The following CCDC178 variants were observed in gnomAD, a reference collection of about 807,000 sequenced individuals.
CCDC178 encodes coiled-coil domain containing 178.
CCDC178 carries 126 observed loss-of-function variants against 117.4 expected under a neutral mutation model. The ratio of observed to expected loss-of-function variants is 1.07; its 90% CI spans 0.93 to 1.24. The LOEUF (loss-of-function observed/expected upper bound fraction) is 1.24, where lower values mean the gene tolerates loss of function less well. CCDC178 is among the 50% of genes most tolerant of loss of function. CCDC178 has a pLI of 0.00. For missense variants in CCDC178, 1,030 were observed against 986.9 expected, an observed-to-expected ratio of 1.04 and a Z score of -0.59; for synonymous variants, 283 against 313.4, an observed-to-expected ratio of 0.90 and a Z score of 1.02.
chr18:33,397,853 T>C (rs907471640), intron 3 of CCDC178, among the ~76,000 whole-genome samples: 1 of 152,134 alleles, frequency 6.6e-6, no homozygotes, highest in African/African-American at 2.4e-5. Flanking sequence ...AAGTATAACT[T>C]ATGTAGGAAC....
At chr18:33,109,045 A>T (rs963171422) in intron 20 of CCDC178, among the ~76,000 whole-genome samples, 1 of 151,652 alleles carries the variant, frequency 6.6e-6, no homozygotes, top group Non-Finnish European at 1.5e-5. Flanking sequence ...GTTGCTCTTC[A>T]TTAAAGCATA....
intron 4 of CCDC178, among the ~76,000 whole-genome samples, chr18:33,394,722 A>G (rs1202218004): frequency 6.6e-6 from 1 of 151,394 alleles, no homozygotes; most frequent in African/African-American, 2.4e-5. Flanking sequence ...TTTGAATAAT[A>G]TGTCCTAAAG....
intron 3 of CCDC178, among the ~76,000 whole-genome samples, chr18:33,399,095 G>C (rs562911720): frequency 1.1e-4 from 16 of 152,118 alleles, no homozygotes; most frequent in Non-Finnish European, 2.1e-4. Flanking sequence ...AGCTACACGG[G>C]AGGCTGAGAC....
intron 21 of CCDC178, among the ~76,000 whole-genome samples, chr18:33,039,876 C>T (rs1598816291): frequency 6.6e-6 from 1 of 151,998 alleles, no homozygotes; most frequent in African/African-American, 2.4e-5. Flanking sequence ...CTAAGAAAGA[C>T]ACTTATTTGC....
chr18:33,282,705 C>A lies in CCDC178; in HGVS notation c.1176+10454G>T, dbSNP rs114017478. On this transcript the variant is annotated intron_variant, in intron 12 of 22. Transcript: ENST00000383096. ...CATCACTACCTGGCACATGTTTGCA[C>A]GGGAGAGTTTTTGCTTTACTTGCCC... is the stretch of plus-strand genomic sequence containing the variant. 2.4e-3 allele frequency among the ~76,000 whole-genome samples: 367 copies of A among 152,238 alleles called. 2 individuals are homozygous for A. The highest frequency in any genetic ancestry group is 8.2e-3 in the African/African-American group (341 of 41,540).
intron 21 of CCDC178, among the ~76,000 whole-genome samples, chr18:33,034,105 C>T (rs2056397584): frequency 6.6e-6 from 1 of 151,978 alleles, no homozygotes; most frequent in South Asian, 2.1e-4. Context: ...AAGCAAGAAA[C>T]CTTGGAGTCA....
rs752957579 is a variant in CCDC178, at chr18:33,210,951, C to A, written c.2238+945G>T. Among the ~76,000 whole-genome samples, 5 of 151,922 alleles carry A rather than the reference C, an allele frequency of 3.3e-5. No individual in the cohort carries two copies. The East Asian group carries it at 9.7e-4, about 29-fold the overall frequency. On this transcript the variant is annotated intron_variant, in intron 20 of 22. Transcript: ENST00000383096. ...ACCAATAGAACTAAGAAGATATGTT[C>A]TTTCACCCACATACTTGTTCATGCA...
intron 10 of CCDC178, among the ~76,000 whole-genome samples, chr18:33,329,762 G>A (rs1834348353): frequency 6.6e-6 from 1 of 151,960 alleles, no homozygotes; most frequent in African/African-American, 2.4e-5. Flanking sequence ...ACTTCCTTGT[G>A]ATATATTTAT....
At chr18:33,378,149 G>C (rs2063389433) in intron 5 of CCDC178, among the ~76,000 whole-genome samples, 2 of 152,186 alleles carry the variant, frequency 1.3e-5, no homozygotes, top group African/African-American at 4.8e-5. Flanking sequence ...TCTCCCTGTA[G>C]AGAGCTTTCA....
chr18:32,942,485 A>G (rs1345087335), intron 22 of CCDC178, among the ~76,000 whole-genome samples: 1 of 152,076 alleles, frequency 6.6e-6, no homozygotes, highest in African/African-American at 2.4e-5. Context: ...TTTCATGGAA[A>G]GTTTTTTTCC....
chr18:33,139,394 A>C (rs2058169612), intron 20 of CCDC178, among the ~76,000 whole-genome samples: 1 of 152,198 alleles, frequency 6.6e-6, no homozygotes, highest in South Asian at 2.1e-4. Context: ...AGAAGACAAG[A>C]AAATATGAGA....
intron 21 of CCDC178, among the ~76,000 whole-genome samples, chr18:33,069,174 C>A (rs534042144): frequency 2.4e-4 from 37 of 152,088 alleles, no homozygotes; most frequent in Middle Eastern, 3.4e-3. Flanking sequence ...TCACAGAAAT[C>A]TTAAAAATCC....
chr18:33,364,404 T>C (rs986557726), intron 6 of CCDC178, among the ~76,000 whole-genome samples: 7 of 152,010 alleles, frequency 4.6e-5, no homozygotes, highest in African/African-American at 1.4e-4. Flanking sequence ...ATACTAAATA[T>C]AGACAACTTT....
intron 11 of CCDC178, among the ~76,000 whole-genome samples, chr18:33,311,087 T>C (rs555679867): frequency 1.3e-5 from 2 of 152,206 alleles, no homozygotes; most frequent in African/African-American, 4.8e-5. Flanking sequence ...AAAACCTCAT[T>C]TGAAGTATTA....
At chr18:33,362,483 G>A (rs577578896) in intron 6 of CCDC178, among the ~76,000 whole-genome samples, 2 of 151,918 alleles carry the variant, frequency 1.3e-5, no homozygotes, top group Admixed American at 1.3e-4. Context: ...GAGATCTAAT[G>A]TAAAACATGA....
chr18:33,250,867 T>G (rs148888170), intron 14 of CCDC178, among the ~76,000 whole-genome samples: 64 of 151,708 alleles, frequency 4.2e-4, no homozygotes, highest in Non-Finnish European at 7.5e-4. Context: ...AATTGTGAAA[T>G]TTCAGAACTC....
At chr18:33,019,984 C>T (rs1446731757) in intron 21 of CCDC178, among the ~76,000 whole-genome samples, 2 of 149,672 alleles carry the variant, frequency 1.3e-5, no homozygotes, top group Admixed American at 6.7e-5. Context: ...CTTACTCTCT[C>T]GCCCAGGCTT....
At position 33,223,146 on chromosome 18, in the gene CCDC178, T is replaced by A; in HGVS notation, c.1892A>T (p.Lys631Ile). The change falls in exon 18 of 23, where the codon AAA (lysine) becomes ATA (isoleucine). Residue 631 changes from lysine to isoleucine, a missense_variant. Physicochemically the swap from Lys to Ile is moderately radical, Grantham distance 102 (BLOSUM62 -3). Transcript: ENST00000383096. ...KVGKVKKKLR[K>I]KGKKTLDALI... ...TGCATCAAGGGTTTTCTTCCCCTTT[T>A]TTCGTAATTTTTTCTTTACTTTTCC... 6.2e-7 allele frequency: 1 copy of A among 1,607,242 alleles called. No individual in the cohort carries two copies. Among genetic ancestry groups the A allele is most frequent in the Non-Finnish European group, 8.5e-7 (1 of 1,175,668 alleles).
intron 1 of CCDC178, among the ~76,000 whole-genome samples, 184 bp from the exon 2 acceptor site, chr18:33,440,265 T>C (rs959353960): frequency 1.6e-4 from 21 of 129,856 alleles, no homozygotes; most frequent in African/African-American, 5.8e-4. Context: ...AGGGAGACTC[T>C]GCTTCCCTTC....
Sources: allele counts gnomAD v4.1 joint callset (sites outside exome capture counted in the v4.1 genomes callset), GRCh38; gene constraint gnomAD v4.1.1; transcripts MANE v1.5; gene names NCBI Gene and HGNC (gene_info 2026-07-23, HGNC 2026-07-21).